Variants in FBXO38 observed in about 807,000 individuals in gnomAD.
FBXO38 encodes F-box protein 38.
A neutral mutation model predicts 131.9 loss-of-function variants in FBXO38; 53 were observed. The observed-to-expected ratio is 0.40, with a 90% confidence interval of 0.32 to 0.51. FBXO38 has a LOEUF of 0.51. Among genes scored for constraint, FBXO38 ranks in the 20% least tolerant of loss-of-function variants. The pLI, the probability that FBXO38 is intolerant of heterozygous loss-of-function variation, is 0.53. For synonymous variants in FBXO38, 452 were observed against 505.6 expected (o/e 0.89, Z 1.42); for missense variants, 1,076 against 1,475.6 (o/e 0.73, Z 4.44).
In FBXO38 at chr5:148,433,445, G is replaced by A. The variant is rs183483408; in HGVS notation, c.2675G>A (p.Arg892His). Residue 892 changes from arginine to histidine, a missense_variant, in exon 16 of 22, where the codon CGT becomes CAT. Arg to His is a conservative substitution (Grantham distance 29). This residue lies in a region of FBXO38 where 282 missense variants were observed against 418.8 expected (regional missense o/e 0.67). Transcript: ENST00000340253. ...SESEVAKTKPRHAMKRKRTAD... is the reference protein window; with the variant it reads ...SESEVAKTKPHHAMKRKRTAD... ...TTAGAAGTAGCCAAAACAAAGCCAC[G>A]TCACGCCATGAAACGGAAGCGGACA... The A allele has an allele frequency of 4.3e-5, 69 of 1,612,896 alleles. No individual in the cohort carries two copies. Among genetic ancestry groups the A allele is most frequent in the Admixed American group, 3.3e-4 (20 of 59,770 alleles).
intron 12 of FBXO38, 141 bp downstream of exon 12, chr5:148,417,345 G>A (rs1002602118): frequency 6.1e-6 from 4 of 660,128 alleles, no homozygotes; most frequent in African/African-American, 5.5e-5. Context: ...AGGAACATGA[G>A]GGAGTAGGTG....
At chr5:148,421,867 A>C (rs1353265017) in intron 12 of FBXO38, among the ~76,000 whole-genome samples, 2 of 152,168 alleles carry the variant, frequency 1.3e-5, no homozygotes, top group Non-Finnish European at 2.9e-5. Context: ...CAAAGGCACC[A>C]TCATCCGATT....
At chr5:148,385,889 G>C (rs1251535869) in intron 1 of FBXO38, among the ~76,000 whole-genome samples, 1 of 152,198 alleles carries the variant, frequency 6.6e-6, no homozygotes, top group Non-Finnish European at 1.5e-5. Flanking sequence ...ATATAGGGAA[G>C]TTTCAAGTGA....
In FBXO38 at chr5:148,440,514, C is replaced by G. The variant is rs201719515; in HGVS notation, c.3261C>G (p.Ile1087Met). The G allele has an allele frequency of 1.3e-4, 209 of 1,592,930 alleles. No individual in the cohort carries two copies. The highest frequency in any genetic ancestry group is 1.6e-4 in the Non-Finnish European group (183 of 1,161,536). The change falls in exon 20 of 22, where the codon ATC becomes ATG. Residue 1087 changes from isoleucine to methionine, a missense_variant. Ile to Met is a conservative substitution (Grantham distance 10, BLOSUM62 1). This residue lies in a region of FBXO38 where 282 missense variants were observed against 418.8 expected (regional missense o/e 0.67). Coordinates refer to ENST00000340253, the MANE Select transcript of FBXO38 (RefSeq NM_205836.3). ...CCAAGTACCCCTGGGGGAGAGAAAT[C>G]TATACTTTAGAAGGTGAGTATTTAC... is the stretch of plus-strand genomic sequence containing the variant. ...KYPKYPWGREIYTLEGVVDGA... is the reference protein window; with the variant it reads ...KYPKYPWGREMYTLEGVVDGA...
chr5:148,425,526 C>T lies in FBXO38; in HGVS notation c.1743C>T (p.Pro581=). ...PVDVDEEQAG[P]SGLQRVVKPT... is the part of the protein sequence containing the mutation. ...AGGCCTGTGCTTTTTTTTAAGGACC[C>T]AGTGGTCTTCAGCGTGTAGTAAAAC... The change falls in exon 14 of 22, where the codon CCC becomes CCT. Residue 581 remains proline (P), a synonymous_variant. Transcript: ENST00000340253. 2 of 1,611,642 alleles carry T rather than the reference C, an allele frequency of 1.2e-6. No individual in the cohort carries two copies. Among genetic ancestry groups the T allele is most frequent in the Non-Finnish European group, 1.7e-6 (2 of 1,178,478 alleles).
chr5:148,406,962 A>T (rs1040994494), intron 7 of FBXO38, among the ~76,000 whole-genome samples: 13 of 152,220 alleles, frequency 8.5e-5, no homozygotes, highest in African/African-American at 3.1e-4. Flanking sequence ...CAGAAAAAAA[A>T]TAGTGGTTTA....
intron 11 of FBXO38, chr5:148,416,565 A>T (rs1753065684): frequency 5.8e-6 from 1 of 172,896 alleles, no homozygotes; most frequent in Non-Finnish European, 1.2e-5. Context: ...AAACTGCTTA[A>T]CATATAGAAC....
chr5:148,425,492 G>A (rs1440706760), intron 13 of FBXO38, 30 bp from the exon 14 acceptor site: 3 of 1,576,208 alleles, frequency 1.9e-6, no homozygotes, highest in East Asian at 4.5e-5. Flanking sequence ...TGCGCAAAAA[G>A]TAACTGTTAG....
intron 1 of FBXO38, among the ~76,000 whole-genome samples, chr5:148,386,119 A>G (rs920935114): frequency 6.6e-6 from 1 of 152,170 alleles, no homozygotes; most frequent in African/African-American, 2.4e-5. Flanking sequence ...AGACCACTGC[A>G]TGGGAGCCTA....
chr5:148,391,393 A>G (rs1758187423), intron 1 of FBXO38, among the ~76,000 whole-genome samples: 1 of 152,238 alleles, frequency 6.6e-6, no homozygotes, highest in East Asian at 1.9e-4. Context: ...GTGGAAGCAT[A>G]TGTTAAGTCC....
At position 148,386,578 on chromosome 5, in the gene FBXO38, CT is replaced by C. The variant is rs556053884; in HGVS notation, c.-64+2543del. Among the ~76,000 whole-genome samples the C allele has an allele frequency of 3.1e-4, 47 of 152,236 alleles. No individual in the cohort carries two copies. In the East Asian group the frequency reaches 8.9e-3, roughly 29 times the overall value. On this transcript the variant is annotated intron_variant, in intron 1 of 21. Coordinates refer to ENST00000340253, the MANE Select transcript of FBXO38 (RefSeq NM_205836.3). ...AGGTAGTGTCTCTGGTCCTCTTCAA[CT>C]TTTAACATTCTGGGATTCTGTAATT...
At chr5:148,440,725 C>G (rs1754633070) in intron 20 of FBXO38, among the ~76,000 whole-genome samples, 198 bp downstream of exon 20, 1 of 152,058 alleles carries the variant, frequency 6.6e-6, no homozygotes, top group Non-Finnish European at 1.5e-5. Flanking sequence ...CTGGTTTGGG[C>G]TTACAGCAAG....
At position 148,438,424 on chromosome 5, in the gene FBXO38, G is replaced by T; in HGVS notation, c.2950G>T (p.Asp984Tyr). 6.2e-7 allele frequency: 1 copy of T among 1,613,968 alleles called. No individual in the cohort carries two copies. The highest frequency in any genetic ancestry group is 8.5e-7 in the Non-Finnish European group (1 of 1,179,858). The change falls in exon 18 of 22, where the codon GAT becomes TAT. Residue 984 changes from aspartate to tyrosine, a missense_variant. By Grantham distance (160) the Asp-to-Tyr change is radical. Transcript: ENST00000340253. ...TGCACAGTGCAAGAAACTGAACATG[G>T]ATCAGGTACTAGACCAGATACTAAG... ...DYAQCKKLNM[D>Y]QVLDQILRMP...
At chr5:148,405,589 A>G (rs188310592) in intron 6 of FBXO38, among the ~76,000 whole-genome samples, 2 of 152,244 alleles carry the variant, frequency 1.3e-5, no homozygotes, top group Non-Finnish European at 2.9e-5. Context: ...ACATTTGACT[A>G]TTCATTGTTC....
chr5:148,414,128 C>A lies in FBXO38; in HGVS notation c.1094-8C>A. On this transcript the variant is annotated splice_polypyrimidine_tract_variant and splice_region_variant and intron_variant, in intron 9 of 21. Coordinates refer to ENST00000340253, the MANE Select transcript of FBXO38 (RefSeq NM_205836.3). ...CTTTTTTTTTTTTTAATTGATTGCTCTTTTTAGGCAGAATGGCTAATGCGG... is the reference window on the plus strand; with the variant it reads ...CTTTTTTTTTTTTTAATTGATTGCTATTTTTAGGCAGAATGGCTAATGCGG... 6.4e-7 allele frequency: 1 copy of A among 1,560,864 alleles called. No individual in the cohort carries two copies. The highest frequency in any genetic ancestry group is 8.6e-7 in the Non-Finnish European group (1 of 1,160,148).
intron 6 of FBXO38, among the ~76,000 whole-genome samples, chr5:148,405,889 T>G (rs148431161): frequency 1.3e-5 from 2 of 152,324 alleles, no homozygotes; most frequent in African/African-American, 4.8e-5. Context: ...TTTTGTGATC[T>G]TCTATAGTAG....
intron 2 of FBXO38, 58 bp downstream of exon 2, chr5:148,394,962 C>T: frequency 1.4e-6 from 2 of 1,449,656 alleles, no homozygotes; most frequent in Non-Finnish European, 1.8e-6. Context: ...AACCCTGAGG[C>T]AGTGCTGTCT....
chr5:148,413,945 A>G (rs1752911301), intron 9 of FBXO38, 191 bp from the exon 10 acceptor site: 2 of 431,538 alleles, frequency 4.6e-6, no homozygotes, highest in Non-Finnish European at 8.1e-6. Flanking sequence ...ATAATTTATT[A>G]TTTTGTACAA....
At chr5:148,386,422 T>C (rs1757916694) in intron 1 of FBXO38, among the ~76,000 whole-genome samples, 1 of 152,250 alleles carries the variant, frequency 6.6e-6, no homozygotes, top group Non-Finnish European at 1.5e-5. Context: ...TGAGCTTCGA[T>C]GTCTGTGAAT....
Sources: gnomAD v4.1 joint callset for allele counts (sites outside exome capture counted in the v4.1 genomes callset) on GRCh38, gnomAD v4.1.1 for gene constraint, gnomAD v4.1.1 regional missense constraint, MANE v1.5 for transcripts, NCBI Gene and HGNC (gene_info 2026-07-23, HGNC 2026-07-21) for gene names.